Variants in HIVEP3 observed in about 807,000 individuals in gnomAD.
HIVEP3 encodes the protein transcription factor HIVEP3.
A neutral mutation model predicts 152.8 loss-of-function variants in HIVEP3; 49 were observed. The ratio of observed to expected loss-of-function variants is 0.32; its 90% CI spans 0.26 to 0.41. The LOEUF is 0.41. Among genes scored for constraint, HIVEP3 ranks in the 10% least tolerant of loss-of-function variants. The pLI is 1.00. For missense variants in HIVEP3, 2,790 were observed against 3,103.3 expected, an observed-to-expected ratio of 0.90 and a Z score of 2.40; for synonymous variants, 1,269 against 1,289.0, an observed-to-expected ratio of 0.98 and a Z score of 0.33.
At chr1:41,615,368 C>A (rs1490465674) in intron 3 of HIVEP3, among the ~76,000 whole-genome samples, 1 of 152,220 alleles carries the variant, frequency 6.6e-6, no homozygotes, top group South Asian at 2.1e-4. Flanking sequence ...GGGGCTGCCC[C>A]CCATCTCCTC....
At chr1:41,515,722 T>A (rs182668015) in intron 7 of HIVEP3, among the ~76,000 whole-genome samples, 10 of 152,344 alleles carry the variant, frequency 6.6e-5, no homozygotes, top group African/African-American at 2.4e-4. Context: ...TTCCTTGCTG[T>A]GTGACGTTGG....
At chr1:41,806,430 C>A (rs1206487446) in intron 1 of HIVEP3, among the ~76,000 whole-genome samples, 1 of 152,276 alleles carries the variant, frequency 6.6e-6, no homozygotes, top group African/African-American at 2.4e-5. Context: ...GAAGGCCCAG[C>A]CCCGGCATGG....
chr1:41,518,821 T>C (rs1642681127), intron 6 of HIVEP3, among the ~76,000 whole-genome samples: 1 of 151,450 alleles, frequency 6.6e-6, no homozygotes, highest in South Asian at 2.1e-4. Flanking sequence ...CAATAGGTTT[T>C]TTTTTTTTTT....
chr1:42,001,037 C>T (rs879445822), intron 1 of HIVEP3, among the ~76,000 whole-genome samples: 15 of 152,140 alleles, frequency 9.9e-5, no homozygotes, highest in East Asian at 1.9e-4. Context: ...TGGCTGAAGA[C>T]GCCAGAGCAC....
intron 1 of HIVEP3, among the ~76,000 whole-genome samples, chr1:41,758,758 G>T (rs146917577): frequency 6.6e-6 from 1 of 152,210 alleles, no homozygotes; most frequent in Non-Finnish European, 1.5e-5. Flanking sequence ...TGTGATGAAA[G>T]GATATGGGAA....
chr1:41,656,655 GGT>G (rs556899527), intron 2 of HIVEP3, among the ~76,000 whole-genome samples: 141 of 152,286 alleles, frequency 9.3e-4, no homozygotes, highest in Admixed American at 6.1e-3. Flanking sequence ...AGGAAACGGG[GGT>G]TGCATTTGTT....
chr1:41,890,379 G>A (rs556389524), intron 1 of HIVEP3, among the ~76,000 whole-genome samples: 9 of 152,248 alleles, frequency 5.9e-5, no homozygotes, highest in African/African-American at 2.2e-4. Flanking sequence ...TGAGGGACCT[G>A]GAATCCAGGA....
chr1:41,810,665 G>C (rs1488926717), intron 1 of HIVEP3, among the ~76,000 whole-genome samples: 4 of 152,232 alleles, frequency 2.6e-5, no homozygotes, highest in African/African-American at 9.6e-5. Flanking sequence ...CCAAGGTACT[G>C]ACCCTCATTC....
intron 1 of HIVEP3, among the ~76,000 whole-genome samples, chr1:41,794,402 T>C (rs1460455513): frequency 1.3e-5 from 2 of 152,200 alleles, no homozygotes; most frequent in Admixed American, 6.5e-5. Context: ...AGCCAAACCA[T>C]AGTAGATCCT....
chr1:41,863,098 C>A lies in HIVEP3; in HGVS notation c.-801+55315G>T, dbSNP rs79535981. Among the ~76,000 whole-genome samples the A allele has an allele frequency of 1.9e-4, 29 of 152,366 alleles. 1 individual carries two copies. The East Asian group carries it at 5.6e-3, about 29-fold the overall frequency. The stretch of plus-strand genomic sequence containing the variant: ...GAAGTTGAATTTCACAGGCGTTCCT[C>A]CTCCACTGTCACATACGTTCCCAGA... On this transcript the variant is annotated intron_variant, in intron 1 of 8. Transcript: ENST00000372583.
chr1:41,606,796 C>T (rs1644828816), intron 3 of HIVEP3, among the ~76,000 whole-genome samples: 2 of 151,800 alleles, frequency 1.3e-5, no homozygotes, highest in Non-Finnish European at 2.9e-5. Flanking sequence ...AAGTACTCCA[C>T]TGTACTGGAG....
At chr1:41,964,128 T>C (rs985563474) in intron 1 of HIVEP3, among the ~76,000 whole-genome samples, 3 of 152,334 alleles carry the variant, frequency 2.0e-5, no homozygotes, top group African/African-American at 7.2e-5. Context: ...GGGGCCAAGA[T>C]GGCTGCCTAG....
intron 1 of HIVEP3, among the ~76,000 whole-genome samples, chr1:41,964,539 G>C (rs1419424238): frequency 6.6e-6 from 1 of 152,220 alleles, no homozygotes; most frequent in Non-Finnish European, 1.5e-5. Context: ...CTGGGGGGAA[G>C]GGCAGCTGCC....
intron 3 of HIVEP3, among the ~76,000 whole-genome samples, chr1:41,605,374 C>T (rs1485930471): frequency 2.4e-4 from 21 of 85,716 alleles, no homozygotes; most frequent in Admixed American, 3.1e-4. Context: ...CACGCACACG[C>T]GCACACACAC....
chr1:41,570,872 G>C (rs1281476676), intron 5 of HIVEP3, among the ~76,000 whole-genome samples: 3 of 152,174 alleles, frequency 2.0e-5, no homozygotes, highest in Non-Finnish European at 4.4e-5. Flanking sequence ...ACGGAGGTGA[G>C]CAACACAGTC....
intron 2 of HIVEP3, among the ~76,000 whole-genome samples, chr1:41,661,459 G>C (rs1244175400): frequency 3.9e-5 from 6 of 152,216 alleles, no homozygotes; most frequent in African/African-American, 1.2e-4. Flanking sequence ...AAACATCCAG[G>C]CTGTGAAGTG....
At chr1:41,970,432 C>T (rs1268223889) in intron 1 of HIVEP3, among the ~76,000 whole-genome samples, 1 of 152,078 alleles carries the variant, frequency 6.6e-6, no homozygotes, top group Non-Finnish European at 1.5e-5. Context: ...CAAACTAATG[C>T]AGGAACAGAA....
chr1:41,694,236 T>C (rs186755175), intron 2 of HIVEP3, among the ~76,000 whole-genome samples: 6 of 152,328 alleles, frequency 3.9e-5, no homozygotes, highest in African/African-American at 1.2e-4. Flanking sequence ...TACCACCTTC[T>C]TGATGAAAGC....
intron 3 of HIVEP3, among the ~76,000 whole-genome samples, chr1:41,599,262 AT>A (rs1238360392): frequency 3.3e-5 from 5 of 152,250 alleles, no homozygotes; most frequent in Non-Finnish European, 5.9e-5. Flanking sequence ...CGAATGTGAA[AT>A]GAATAAATGA....
Sources: allele counts gnomAD v4.1 joint callset (sites outside exome capture counted in the v4.1 genomes callset), GRCh38; gene constraint gnomAD v4.1.1; transcripts MANE v1.5; gene names NCBI Gene and HGNC (gene_info 2026-07-23, HGNC 2026-07-21).